The following TMEM132D variants were observed in gnomAD, a reference collection of about 807,000 sequenced individuals.
TMEM132D encodes mature OL transmembrane protein.
In TMEM132D, 21 loss-of-function variants were observed where a neutral mutation model predicts 62.3. The ratio of observed to expected loss-of-function variants is 0.34; its 90% CI spans 0.24 to 0.49. The LOEUF (loss-of-function observed/expected upper bound fraction) is 0.49. Ranked by LOEUF, TMEM132D falls within the 20% of genes least tolerant of loss-of-function variation. The pLI is 0.99. For missense variants in TMEM132D, 1,346 were observed against 1,402.8 expected (o/e 0.96, Z 0.65); for synonymous variants, 621 against 575.6 (o/e 1.08, Z -1.13).
chr12:129,420,984 CAG>C (rs1872305251), intron 3 of TMEM132D, among the ~76,000 whole-genome samples: 1 of 130,340 alleles, frequency 7.7e-6, no homozygotes, highest in Admixed American at 8.6e-5. Context: ...TTTTTTGAGA[CAG>C]AGTCTCGCTC....
intron 1 of TMEM132D, among the ~76,000 whole-genome samples, chr12:129,784,259 C>G (rs1871198500): frequency 6.6e-6 from 1 of 152,188 alleles, no homozygotes; most frequent in African/African-American, 2.4e-5. Flanking sequence ...AAACTACTCT[C>G]TGAGTGGAGG....
At chr12:129,339,079 T>C (rs1869383329) in intron 3 of TMEM132D, among the ~76,000 whole-genome samples, 1 of 152,090 alleles carries the variant, frequency 6.6e-6, no homozygotes, top group South Asian at 2.1e-4. Flanking sequence ...GAGACCAGCT[T>C]GGCCAACAGG....
chr12:129,637,499 C>T (rs1879513638), intron 2 of TMEM132D, among the ~76,000 whole-genome samples: 1 of 152,094 alleles, frequency 6.6e-6, no homozygotes, highest in South Asian at 2.1e-4. Flanking sequence ...TGAGTGAATT[C>T]TCACAAGAAC....
chr12:129,722,431 C>G (rs1868872686), intron 1 of TMEM132D, among the ~76,000 whole-genome samples: 1 of 152,292 alleles, frequency 6.6e-6, no homozygotes, highest in South Asian at 2.1e-4. Flanking sequence ...CAAATCGAAC[C>G]CCAGCACTGG....
rs34743737 is a variant in TMEM132D, at chr12:129,662,791, CAAAA to C, written c.968+37015_968+37018del. On this transcript the variant is annotated intron_variant, in intron 2 of 8. Coordinates refer to ENST00000422113, the MANE Select transcript of TMEM132D (RefSeq NM_133448.3). Reference sequence around the variant, plus strand: ...CTGGCGACAGAGCAAGATTCCATCTCAAAAAAAAAAAAAAAAAAAAAAGAGAGAG... The same window carrying C: ...CTGGCGACAGAGCAAGATTCCATCTCAAAAAAAAAAAAAAAAAAGAGAGAG... Among the ~76,000 whole-genome samples the C allele has an allele frequency of 4.8e-3, 331 of 69,398 alleles. 4 individuals are homozygous for C. The highest frequency in any genetic ancestry group is 5.4e-3 in the Non-Finnish European group (206 of 37,866). 45.5% of individuals were successfully genotyped at this position (69,398 alleles called of 152,430 possible).
intron 2 of TMEM132D, among the ~76,000 whole-genome samples, chr12:129,616,174 G>A (rs1878912374): frequency 6.6e-6 from 1 of 152,210 alleles, no homozygotes; most frequent in African/African-American, 2.4e-5. Context: ...ATGCCATAAT[G>A]CCAGAAAACC....
chr12:129,202,894 C>T (rs1480770773), intron 5 of TMEM132D, among the ~76,000 whole-genome samples: 1 of 152,218 alleles, frequency 6.6e-6, no homozygotes, highest in Admixed American at 6.5e-5. Context: ...AAACGTTACA[C>T]TAGGCACATA....
At position 129,700,652 on chromosome 12, in the gene TMEM132D, C is replaced by T. The variant is rs756339901; in HGVS notation, c.126G>A (p.Leu42=). Residue 42 remains leucine, a synonymous_variant, in exon 2 of 9, where the codon TTG becomes TTA. Transcript: ENST00000422113. The part of the protein sequence containing the change: ...GILESIQRFS[L]LPTYLPVTYH... ...AGGTCACGGGGAGGTAGGTGGGCAG[C>T]AAGGAAAACCTCTGGATGCTCTCAA... 1 of 1,613,612 alleles carries T rather than the reference C, an allele frequency of 6.2e-7. No homozygotes were observed. The highest frequency in any genetic ancestry group is 1.3e-5 in the African/African-American group (1 of 74,864).
At chr12:129,556,387 C>T (rs1317901305) in intron 2 of TMEM132D, among the ~76,000 whole-genome samples, 2 of 152,214 alleles carry the variant, frequency 1.3e-5, no homozygotes, top group South Asian at 2.1e-4. Flanking sequence ...TCCATGGGTC[C>T]AAGCTGAGCG....
chr12:129,283,517 G>C (rs1881216003), intron 4 of TMEM132D, among the ~76,000 whole-genome samples: 2 of 152,112 alleles, frequency 1.3e-5, no homozygotes, highest in Admixed American at 1.3e-4. Context: ...TTAAACTCTT[G>C]TCTCCTAAAT....
chr12:129,570,583 A>T (rs189499691), intron 2 of TMEM132D, among the ~76,000 whole-genome samples: 1 of 152,202 alleles, frequency 6.6e-6, no homozygotes, highest in African/African-American at 2.4e-5. Context: ...ACCCTAGGGC[A>T]AATGTAACTG....
intron 1 of TMEM132D, among the ~76,000 whole-genome samples, chr12:129,710,769 G>A (rs1165568010): frequency 3.3e-5 from 5 of 152,176 alleles, no homozygotes; most frequent in Non-Finnish European, 7.3e-5. Flanking sequence ...CCGCAGCCAT[G>A]CTCCTCTCCC....
chr12:129,556,478 C>T (rs1436050352), intron 2 of TMEM132D, among the ~76,000 whole-genome samples: 5 of 151,166 alleles, frequency 3.3e-5, no homozygotes, highest in Non-Finnish European at 7.4e-5. Context: ...TTTTTTTTTC[C>T]CCCAGAGGTG....
chr12:129,824,444 C>A (rs756024832), intron 1 of TMEM132D, among the ~76,000 whole-genome samples: 38 of 152,120 alleles, frequency 2.5e-4, no homozygotes, highest in Non-Finnish European at 4.6e-4. Context: ...TGCCCTCCCC[C>A]GCCCCCAGAA....
intron 5 of TMEM132D, among the ~76,000 whole-genome samples, chr12:129,091,757 C>G (rs192916791): frequency 1.2e-4 from 19 of 152,332 alleles, no homozygotes; most frequent in Admixed American, 1.1e-3. Flanking sequence ...TAAGAAGACA[C>G]AAGCCTAGTC....
intron 3 of TMEM132D, among the ~76,000 whole-genome samples, chr12:129,415,746 G>A (rs1402024659): frequency 6.6e-6 from 1 of 152,214 alleles, no homozygotes; most frequent in Non-Finnish European, 1.5e-5. Context: ...CACTGAGGAT[G>A]GCAGGGAGGG....
intron 1 of TMEM132D, among the ~76,000 whole-genome samples, chr12:129,755,192 A>G (rs566082670): frequency 2.6e-5 from 4 of 152,326 alleles, no homozygotes; most frequent in South Asian, 4.1e-4. Flanking sequence ...GACATTAACT[A>G]GTGTTGCAGC....
chr12:129,235,699 T>A (rs1274682043), intron 4 of TMEM132D, among the ~76,000 whole-genome samples: 1 of 152,176 alleles, frequency 6.6e-6, no homozygotes, highest in Non-Finnish European at 1.5e-5. Context: ...ATGTCTTCAT[T>A]TCTTTTTGAA....
intron 2 of TMEM132D, among the ~76,000 whole-genome samples, chr12:129,632,353 A>C (rs939672608): frequency 1.2e-4 from 19 of 152,098 alleles, no homozygotes; most frequent in Non-Finnish European, 2.5e-4. Context: ...TTTCTCTGAA[A>C]CCTTTTTCGG....
Sources: allele counts gnomAD v4.1 joint callset (sites outside exome capture counted in the v4.1 genomes callset), GRCh38; gene constraint gnomAD v4.1.1; transcripts MANE v1.5; gene names NCBI Gene and HGNC (gene_info 2026-07-23, HGNC 2026-07-21).